ADAM10: variants seen among roughly 807,000 people sequenced by gnomAD.
ADAM10 encodes ADAM metallopeptidase domain 10.
In ADAM10, 17 loss-of-function variants were observed where a neutral mutation model predicts 90.1. The observed-to-expected ratio is 0.19, with a 90% CI of 0.13 to 0.28. The LOEUF (loss-of-function observed/expected upper bound fraction) is 0.28. Among genes scored for constraint, ADAM10 ranks in the 10% least tolerant of loss-of-function variants. ADAM10 has a pLI of 1.00. For synonymous variants in ADAM10, 310 were observed against 298.6 expected (o/e 1.04, Z -0.40); for missense variants, 610 against 914.3 (o/e 0.67, Z 4.29).
Position 58,696,479 on chromosome 15 carries a change from TC to T in ADAM10, c.207-14166del, listed in dbSNP as rs201962826. ...TTTTCTTTCTTTCTTTTTTTTTTTT[TC>T]CCAAGATGAGTCTCACTCTCTCTCG... On this transcript the variant is annotated intron_variant, in intron 2 of 15. Transcript: ENST00000260408. Among the ~76,000 whole-genome samples, 28 of 150,296 alleles carry T rather than the reference TC, an allele frequency of 1.9e-4. 1 individual carries two copies. The highest frequency in any genetic ancestry group is 3.9e-4 in the African/African-American group (16 of 40,996).
At chr15:58,704,722 T>C (rs183522351) in intron 2 of ADAM10, among the ~76,000 whole-genome samples, 16 of 152,318 alleles carry the variant, frequency 1.1e-4, no homozygotes, top group East Asian at 3.9e-4. Flanking sequence ...GTATACAGCA[T>C]AGAGGCTTGC....
chr15:58,685,160 TAAAAAAAA>T (rs140613738), intron 2 of ADAM10, among the ~76,000 whole-genome samples: 1 of 119,118 alleles, frequency 8.4e-6, no homozygotes, highest in Non-Finnish European at 1.8e-5. Flanking sequence ...TTATATTAAG[TAAAAAAAA>T]AAAAAAAAAA....
At chr15:58,718,537 G>A (rs1171096044) in intron 1 of ADAM10, among the ~76,000 whole-genome samples, 1 of 152,168 alleles carries the variant, frequency 6.6e-6, no homozygotes, top group African/African-American at 2.4e-5. Flanking sequence ...TATGTAGAAT[G>A]AGTGCTCAGT....
intron 11 of ADAM10, among the ~76,000 whole-genome samples, chr15:58,614,116 T>C (rs1456369035): frequency 6.6e-6 from 1 of 152,058 alleles, no homozygotes; most frequent in African/African-American, 2.4e-5. Context: ...ACCCCGTCTC[T>C]ACTAAAAATA....
At position 58,596,899 on chromosome 15, in the gene ADAM10, A is replaced by G. The variant is rs1894968735; in HGVS notation, c.*648T>C. ...GAAAGGTAAATTGATTTTCATTTCA[A>G]AACTGCCTGTGTAAAGCATTACAGA... On this transcript the variant is annotated 3_prime_UTR_variant, in exon 16 of 16. Transcript: ENST00000260408. The G allele has an allele frequency of 6.5e-6, 1 of 154,744 alleles. No individual in the cohort carries two copies. Among genetic ancestry groups the G allele is most frequent in the South Asian group, 2.0e-4 (1 of 5,016 alleles). 9.6% of individuals were successfully genotyped at this position (154,744 alleles called of 1,614,324 possible).
At chr15:58,641,143 A>G (rs1053897248) in intron 7 of ADAM10, among the ~76,000 whole-genome samples, 183 bp from the exon 8 acceptor site, 1 of 152,222 alleles carries the variant, frequency 6.6e-6, no homozygotes, top group Non-Finnish European at 1.5e-5. Context: ...AGGCAAAACA[A>G]TAACAACAAA....
chr15:58,690,304 T>C (rs564431975), intron 2 of ADAM10, among the ~76,000 whole-genome samples: 68 of 152,292 alleles, frequency 4.5e-4, no homozygotes, highest in African/African-American at 1.6e-3. Flanking sequence ...GACTGAATGC[T>C]TCTCTCCTAA....
chr15:58,597,375 A>G lies in ADAM10; in HGVS notation c.*172T>C. 1 of 1,543,878 alleles carries G rather than the reference A, an allele frequency of 6.5e-7. No homozygotes were observed. The highest frequency in any genetic ancestry group is 8.7e-7 in the Non-Finnish European group (1 of 1,143,690). ...CTCCCACCCCCAAATTGGAATTTTC[A>G]GGCTTTAAAATTTAAGTAATTCCAC... On this transcript the variant is annotated 3_prime_UTR_variant, in exon 16 of 16. Coordinates refer to ENST00000260408, the MANE Select transcript of ADAM10 (RefSeq NM_001110.4).
At chr15:58,736,760 T>A (rs1275611277) in intron 1 of ADAM10, among the ~76,000 whole-genome samples, 1 of 151,882 alleles carries the variant, frequency 6.6e-6, no homozygotes, top group African/African-American at 2.4e-5. Flanking sequence ...ACACAGTATA[T>A]CGAAAAAAGC....
At chr15:58,647,246 G>GCATTTTTTTTTTTTTTTTTTTTTTTTT (rs1896569038) in intron 5 of ADAM10, among the ~76,000 whole-genome samples, 1 of 36,828 alleles carries the variant, frequency 2.7e-5, no homozygotes, top group African/African-American at 7.4e-5. Context: ...TAGACACTAA[G>GCATTTTTTTTTTTTTTTTTTTTTTTTT]TATTTTTTTT....
intron 3 of ADAM10, 40 bp downstream of exon 3, chr15:58,682,156 A>G (rs1897459527): frequency 6.2e-7 from 1 of 1,605,300 alleles, no homozygotes; most frequent in Admixed American, 1.7e-5. Flanking sequence ...TGTAGAAAAA[A>G]AAAAATGGAA....
chr15:58,701,127 C>T (rs1438883507), intron 2 of ADAM10, among the ~76,000 whole-genome samples: 1 of 148,694 alleles, frequency 6.7e-6, no homozygotes, highest in East Asian at 2.0e-4. Context: ...AAATCAATGA[C>T]CACTTGCTAA....
chr15:58,705,087 C>T (rs1162835498), intron 2 of ADAM10, among the ~76,000 whole-genome samples: 1 of 152,114 alleles, frequency 6.6e-6, no homozygotes, highest in Non-Finnish European at 1.5e-5. Flanking sequence ...TACAATATTA[C>T]CACAAAAAAC....
intron 6 of ADAM10, 61 bp downstream of exon 6, chr15:58,645,994 G>T: frequency 6.4e-7 from 1 of 1,574,524 alleles, no homozygotes; most frequent in South Asian, 1.1e-5. Flanking sequence ...ATTTTTAAAG[G>T]AAAGAATAGG....
intron 2 of ADAM10, chr15:58,693,193 G>T (rs999396018): frequency 1.4e-6 from 1 of 699,060 alleles, no homozygotes; most frequent in Non-Finnish European, 2.7e-6. Context: ...CACCTCTGCA[G>T]GCATCTTGAA....
chr15:58,619,406 T>A (rs1368975871), intron 11 of ADAM10, among the ~76,000 whole-genome samples: 1 of 152,282 alleles, frequency 6.6e-6, no homozygotes, highest in Admixed American at 6.5e-5. Flanking sequence ...TAGTGTTTGA[T>A]AGCACAGTAA....
intron 3 of ADAM10, among the ~76,000 whole-genome samples, chr15:58,681,423 A>C (rs1377595287): frequency 6.6e-6 from 1 of 152,234 alleles, no homozygotes; most frequent in Non-Finnish European, 1.5e-5. Flanking sequence ...AAAATTCTTT[A>C]AGCATTTAAT....
At chr15:58,609,581 A>T (rs181924897) in intron 14 of ADAM10, 20 of 153,290 alleles carry the variant, frequency 1.3e-4, no homozygotes, top group African/African-American at 4.8e-4. Flanking sequence ...GTTATAAGTC[A>T]ATTTCCAAAG....
In ADAM10 at chr15:58,590,451, T is replaced by G. The variant is rs1363980870; in HGVS notation, c.*7096A>C. 6.6e-6 allele frequency: 1 copy of G among 152,182 alleles called. No homozygotes were observed. Among genetic ancestry groups the G allele is most frequent in the African/African-American group, 2.4e-5 (1 of 41,426 alleles). 9.4% of individuals were successfully genotyped at this position (152,182 alleles called of 1,614,324 possible). A position where few individuals can be genotyped will look rare whatever the true frequency, so the allele number is the denominator to read the frequency against. ...CAAGTGCCTAAGAAGTATCTGTGAG[T>G]AAGGTAACTGGTCAATGCATATCAG... On this transcript the variant is annotated 3_prime_UTR_variant, in exon 16 of 16. Transcript: ENST00000260408.
Sources: allele counts gnomAD v4.1 joint callset (sites outside exome capture counted in the v4.1 genomes callset), GRCh38; gene constraint gnomAD v4.1.1; transcripts MANE v1.5; gene names NCBI Gene and HGNC (gene_info 2026-07-23, HGNC 2026-07-21).